NR3C1: variants seen among roughly 807,000 people sequenced by gnomAD.
NR3C1 encodes the protein nuclear receptor subfamily 3 group C member 1.
A neutral mutation model predicts 74.0 loss-of-function variants in NR3C1; 14 were observed. The observed-to-expected ratio is 0.19, with a 90% confidence interval of 0.12 to 0.30. NR3C1 has a LOEUF of 0.30. NR3C1 is among the 10% of genes least tolerant of loss of function. The pLI, the probability that NR3C1 is intolerant of heterozygous loss-of-function variation, is 1.00. For synonymous variants in NR3C1, 308 were observed against 332.5 expected (o/e 0.93, Z 0.80); for missense variants, 695 against 909.8 (o/e 0.76, Z 3.04).
At chr5:143,348,153 A>T (rs1056859542) in intron 2 of NR3C1, among the ~76,000 whole-genome samples, 3 of 152,176 alleles carry the variant, frequency 2.0e-5, no homozygotes, top group Non-Finnish European at 4.4e-5. Context: ...ATTTTGTCTC[A>T]CAGCATCAGC....
upstream of NR3C1, among the ~76,000 whole-genome samples, chr5:143,407,999 G>C (rs74984048): frequency 5.3e-3 from 805 of 152,284 alleles, 5 homozygotes; most frequent in East Asian, 0.022. Context: ...TTAGTTAAAA[G>C]AAGGAAATAA....
At chr5:143,382,909 T>C (rs1198247278) in intron 2 of NR3C1, among the ~76,000 whole-genome samples, 1 of 152,200 alleles carries the variant, frequency 6.6e-6, no homozygotes, top group Non-Finnish European at 1.5e-5. Flanking sequence ...AATACAGAAA[T>C]GGTGAGGCTA....
intron 2 of NR3C1, among the ~76,000 whole-genome samples, chr5:143,358,739 T>C (rs1273164180): frequency 6.6e-6 from 1 of 151,612 alleles, no homozygotes; most frequent in African/African-American, 2.4e-5. Flanking sequence ...CCGTCTCTAC[T>C]AAAATTCAAA....
At chr5:143,337,517 A>G (rs1028195391) in intron 2 of NR3C1, among the ~76,000 whole-genome samples, 2 of 152,236 alleles carry the variant, frequency 1.3e-5, no homozygotes, top group African/African-American at 4.8e-5. Flanking sequence ...CATATACAGT[A>G]AAATGTGTAA....
chr5:143,298,957 C>T (rs1397508542), intron 5 of NR3C1, 145 bp from the exon 6 acceptor site: 7 of 636,732 alleles, frequency 1.1e-5, no homozygotes, highest in Non-Finnish European at 1.9e-5. Context: ...TAGGTAGACA[C>T]AGTTTTCTTC....
At chr5:143,395,817 TC>T (rs1250829270) in intron 2 of NR3C1, among the ~76,000 whole-genome samples, 2 of 151,826 alleles carry the variant, frequency 1.3e-5, no homozygotes, top group Non-Finnish European at 3.0e-5. Flanking sequence ...ATGCAGATGT[TC>T]CGACTTTCAC....
At chr5:143,402,022 T>G (rs886695000) in intron 1 of NR3C1, among the ~76,000 whole-genome samples, 2 of 152,178 alleles carry the variant, frequency 1.3e-5, no homozygotes, top group Admixed American at 1.3e-4. Context: ...AAGGTAACTT[T>G]TCCTATGCGA....
At chr5:143,421,461 C>A (rs1198785110) in intron 1 of NR3C1, among the ~76,000 whole-genome samples, 1 of 152,110 alleles carries the variant, frequency 6.6e-6, no homozygotes, top group African/African-American at 2.4e-5. Flanking sequence ...TGGGGGGAAA[C>A]AATAGTACCT....
chr5:143,388,912 T>G (rs1039402721), intron 2 of NR3C1, among the ~76,000 whole-genome samples: 1 of 152,228 alleles, frequency 6.6e-6, no homozygotes, highest in Non-Finnish European at 1.5e-5. Flanking sequence ...CATAATACTT[T>G]CATCCATTAG....
chr5:143,345,663 T>G (rs1255868928), intron 2 of NR3C1, among the ~76,000 whole-genome samples: 1 of 152,224 alleles, frequency 6.6e-6, no homozygotes, highest in East Asian at 1.9e-4. Context: ...CAATTTTCAC[T>G]TTGCAAATAT....
At chr5:143,333,144 C>G in intron 2 of NR3C1, 1 of 1,579,740 alleles carries the variant, frequency 6.3e-7, no homozygotes. Flanking sequence ...AGTGGCCCAT[C>G]ATGCTACCAA....
chr5:143,307,659 T>C (rs2151590462), intron 4 of NR3C1, among the ~76,000 whole-genome samples: 1 of 152,152 alleles, frequency 6.6e-6, no homozygotes, highest in Admixed American at 6.5e-5. Flanking sequence ...AAATATAAAA[T>C]AGGTAAAATG....
Position 143,400,736 on chromosome 5 carries a change from C to T in NR3C1, c.104G>A (p.Gly35Glu), listed in dbSNP as rs374312820. 6.1e-5 allele frequency: 98 copies of T among 1,614,078 alleles called. No individual in the cohort carries two copies. Among genetic ancestry groups the T allele is most frequent in the Non-Finnish European group, 8.1e-5 (96 of 1,180,050 alleles). Residue 35 changes from glycine to glutamate, a missense_variant, in exon 2 of 9, where the codon GGA becomes GAA. By Grantham distance (98) the Gly-to-Glu change is moderately conservative. Around this residue, in one of 4 missense-constraint regions of NR3C1, gnomAD observed 497 missense variants for 489.5 expected, o/e 1.02. Transcript: ENST00000394464. ...DVMDFYKTLR[G>E]GATVKVSASS... ...CGCAGAAACCTTCACAGTAGCTCCTCCTCTTAGGGTTTTATAGAAGTCCAT... is the reference window on the plus strand; with the variant it reads ...CGCAGAAACCTTCACAGTAGCTCCTTCTCTTAGGGTTTTATAGAAGTCCAT...
intron 6 of NR3C1, among the ~76,000 whole-genome samples, chr5:143,297,182 T>C (rs1230329376): frequency 6.7e-6 from 1 of 149,132 alleles, no homozygotes; most frequent in African/African-American, 2.5e-5. Flanking sequence ...TTAATGAAAA[T>C]GAAACTAATG....
At chr5:143,304,344 T>G (rs1343094626) in intron 4 of NR3C1, among the ~76,000 whole-genome samples, 1 of 151,968 alleles carries the variant, frequency 6.6e-6, no homozygotes, top group Non-Finnish European at 1.5e-5. Context: ...TACCTAGGAA[T>G]GCATCTAAGT....
intron 6 of NR3C1, among the ~76,000 whole-genome samples, chr5:143,298,419 A>G (rs560478087): frequency 6.6e-6 from 1 of 152,350 alleles, no homozygotes; most frequent in African/African-American, 2.4e-5. Flanking sequence ...AGACTTTACT[A>G]ACCTCAGATA....
In NR3C1 at chr5:143,282,553, A is replaced by ATGTT; in HGVS notation, c.2181+11_2181+14dup. 6.2e-7 allele frequency: 1 copy of ATGTT among 1,613,556 alleles called. No homozygotes were observed. The highest frequency in any genetic ancestry group is 8.5e-7 in the Non-Finnish European group (1 of 1,179,666). On this transcript the variant is annotated intron_variant, in intron 8 of 8. Coordinates refer to ENST00000394464, the MANE Select transcript of NR3C1 (RefSeq NM_000176.3). The stretch of plus-strand genomic sequence containing the variant: ...CCAGAAAACTCTTATATTTGGCTTT[A>ATGTT]TGTTTGACACTTACTTCATGCATAG...
chr5:143,330,868 C>T (rs959073808), intron 2 of NR3C1, among the ~76,000 whole-genome samples: 4 of 152,100 alleles, frequency 2.6e-5, no homozygotes, highest in African/African-American at 9.7e-5. Context: ...TTGTTAAAAT[C>T]GCCATACTGC....
chr5:143,338,420 C>CA lies in NR3C1; in HGVS notation c.1185-24253dup, dbSNP rs565465363. 2.1e-3 allele frequency among the ~76,000 whole-genome samples: 314 copies of CA among 151,258 alleles called. 3 individuals carry two copies. Among genetic ancestry groups the CA allele is most frequent in the African/African-American group, 7.4e-3 (306 of 41,212 alleles). ...GTATATCAGAAAAAGGCACTGTTAT[C>CA]ACAGAAAACGACAGCTCTGTGTTTG... On this transcript the variant is annotated intron_variant, in intron 2 of 8. Transcript: ENST00000394464.
Sources: allele counts gnomAD v4.1 joint callset (sites outside exome capture counted in the v4.1 genomes callset), GRCh38; gene constraint gnomAD v4.1.1; regional missense constraint gnomAD v4.1.1; transcripts MANE v1.5; gene names NCBI Gene and HGNC (gene_info 2026-07-23, HGNC 2026-07-21).